ZMYM4: variants seen among roughly 807,000 people sequenced by gnomAD.
ZMYM4 encodes zinc finger MYM-type protein 4.
In ZMYM4, 31 loss-of-function variants were observed where a neutral mutation model predicts 183.2. That is an observed-to-expected ratio of 0.17 (90% CI 0.13 to 0.23). The LOEUF (loss-of-function observed/expected upper bound fraction) is 0.23. Ranked by LOEUF, ZMYM4 falls within the 10% of genes least tolerant of loss-of-function variation. The probability of loss-of-function intolerance (pLI) is 1.00; values close to 1 mark genes in which losing one functional copy is unlikely to be tolerated. For synonymous variants in ZMYM4, 592 were observed against 631.2 expected, an observed-to-expected ratio of 0.94 and a Z score of 0.93; for missense variants, 1,273 against 1,840.3, an observed-to-expected ratio of 0.69 and a Z score of 5.64.
chr1:35,370,172 A>G (rs1644173826), intron 6 of ZMYM4, 59 bp downstream of exon 6: 4 of 1,580,176 alleles, frequency 2.5e-6, no homozygotes, highest in Admixed American at 1.7e-5. Flanking sequence ...GAATGAGAAG[A>G]AATTCTGCTT....
intron 6 of ZMYM4, 121 bp downstream of exon 6, chr1:35,370,234 G>A (rs1442692338): frequency 6.2e-6 from 9 of 1,463,102 alleles, no homozygotes; most frequent in Non-Finnish European, 7.3e-6. Flanking sequence ...CCTTTAAATT[G>A]TATATTGCAT....
At chr1:35,351,240 C>G in intron 2 of ZMYM4, 1 of 1,529,688 alleles carries the variant, frequency 6.5e-7, no homozygotes, top group East Asian at 2.2e-5. Flanking sequence ...GTCTGTCCCT[C>G]ACAGTACCAA....
At chr1:35,335,085 C>A (rs1642916474) in intron 2 of ZMYM4, among the ~76,000 whole-genome samples, 2 of 152,180 alleles carry the variant, frequency 1.3e-5, no homozygotes, top group Non-Finnish European at 2.9e-5. Flanking sequence ...GTAGCCACCT[C>A]TCCAAAAAGG....
chr1:35,326,611 G>A (rs1183054222), intron 2 of ZMYM4, among the ~76,000 whole-genome samples: 4 of 152,132 alleles, frequency 2.6e-5, no homozygotes, highest in South Asian at 4.1e-4. Context: ...ATGGGTGGCC[G>A]AAGCCTATCC....
At chr1:35,314,132 C>T (rs1641929931) in intron 1 of ZMYM4, among the ~76,000 whole-genome samples, 1 of 152,140 alleles carries the variant, frequency 6.6e-6, no homozygotes, top group South Asian at 2.1e-4. Context: ...CTTTAGGAAG[C>T]ACTGAAAATA....
chr1:35,350,795 A>C, intron 2 of ZMYM4: 1 of 491,122 alleles, frequency 2.0e-6, no homozygotes, highest in South Asian at 2.2e-5. Flanking sequence ...AGATGACGAG[A>C]GGGTAAAACT....
At chr1:35,344,094 C>G (rs569705945) in intron 2 of ZMYM4, among the ~76,000 whole-genome samples, 3 of 150,246 alleles carry the variant, frequency 2.0e-5, no homozygotes, top group South Asian at 2.1e-4. Context: ...TGCTCTGTTG[C>G]CCAGGCTGGA....
At chr1:35,334,136 C>T (rs1263103974) in intron 2 of ZMYM4, among the ~76,000 whole-genome samples, 1 of 151,014 alleles carries the variant, frequency 6.6e-6, no homozygotes, top group East Asian at 1.9e-4. Context: ...GGCAACATGG[C>T]GAAACTCCAT....
intron 9 of ZMYM4, 89 bp downstream of exon 9, chr1:35,381,847 C>T: frequency 1.3e-6 from 2 of 1,496,572 alleles, no homozygotes; most frequent in Non-Finnish European, 1.8e-6. Flanking sequence ...TGTTGTTTTG[C>T]AATATTGGGT....
At chr1:35,413,875 C>A in intron 26 of ZMYM4, 97 bp from the exon 27 acceptor site, 2 of 702,258 alleles carry the variant, frequency 2.8e-6, no homozygotes, top group Non-Finnish European at 2.3e-6. Flanking sequence ...ATTGTAAGGG[C>A]AAAAATTAAG....
chr1:35,347,772 C>G (rs1318470097), intron 2 of ZMYM4, among the ~76,000 whole-genome samples: 1 of 151,920 alleles, frequency 6.6e-6, no homozygotes, highest in Non-Finnish European at 1.5e-5. Flanking sequence ...GTACCGTCTC[C>G]CCATATCTCT....
intron 1 of ZMYM4, among the ~76,000 whole-genome samples, chr1:35,318,269 G>A (rs1642140579): frequency 6.6e-6 from 1 of 151,920 alleles, no homozygotes; most frequent in Non-Finnish European, 1.5e-5. Context: ...TGTTGGCCAG[G>A]CTAGTCTTGA....
At chr1:35,351,354 AAAG>A (rs1387847514) in intron 2 of ZMYM4, 20 of 1,572,114 alleles carry the variant, frequency 1.3e-5, no homozygotes, top group African/African-American at 5.4e-5. Context: ...CTACTTAATG[AAAG>A]AAGATGAAGA....
intron 2 of ZMYM4, among the ~76,000 whole-genome samples, chr1:35,332,743 C>T (rs1437633301): frequency 6.6e-6 from 1 of 152,084 alleles, no homozygotes; most frequent in Non-Finnish European, 1.5e-5. Context: ...GTCACCCAGG[C>T]TGTAGTGTAG....
chr1:35,357,324 T>G (rs935304698), intron 2 of ZMYM4, among the ~76,000 whole-genome samples: 1 of 152,230 alleles, frequency 6.6e-6, no homozygotes, highest in African/African-American at 2.4e-5. Context: ...ACATGAAGGA[T>G]GTAACTGGGC....
intron 18 of ZMYM4, among the ~76,000 whole-genome samples, chr1:35,395,249 G>C (rs922985423): frequency 1.4e-5 from 2 of 146,374 alleles, no homozygotes; most frequent in Non-Finnish European, 3.0e-5. Context: ...ATGTAGTTTG[G>C]TTATCAGATG....
intron 25 of ZMYM4, among the ~76,000 whole-genome samples, 195 bp from the exon 26 acceptor site, chr1:35,407,813 G>A (rs545931725): frequency 5.3e-5 from 8 of 152,272 alleles, no homozygotes; most frequent in African/African-American, 9.6e-5. Flanking sequence ...ATCATAGCAC[G>A]TATTGCACCA....
rs1397642643 is a variant in ZMYM4 at position 35,388,959 on chromosome 1, C to G, written c.2313C>G (p.His771Gln). 6.2e-7 allele frequency: 1 copy of G among 1,613,960 alleles called. No individual in the cohort carries two copies. Residue 771 changes from histidine to glutamine, a missense_variant, in exon 14 of 30, where the codon CAC becomes CAG. Transcript: ENST00000314607. ...ACTTGGCAAAACGCTGGGGAAATCACTGTAAAATGTGCAGTTATTGTTTAC... is the reference window on the plus strand; with the variant it reads ...ACTTGGCAAAACGCTGGGGAAATCAGTGTAAAATGTGCAGTTATTGTTTAC... ...KHDLAKRWGN[H>Q]CKMCSYCLQT...
intron 1 of ZMYM4, among the ~76,000 whole-genome samples, chr1:35,282,692 A>G (rs558299229): frequency 6.6e-6 from 1 of 152,194 alleles, no homozygotes; most frequent in East Asian, 1.9e-4. Context: ...AGTAGCTGGG[A>G]CTGCAGATGT....
Sources: gnomAD v4.1 joint callset for allele counts (sites outside exome capture counted in the v4.1 genomes callset) on GRCh38, gnomAD v4.1.1 for gene constraint, MANE v1.5 for transcripts, NCBI Gene and HGNC (gene_info 2026-07-23, HGNC 2026-07-21) for gene names.